The following MYH16 variants were observed in gnomAD, a reference collection of about 807,000 sequenced individuals.
MYH16 encodes putative uncharacterized protein MYH16.
intron 30 of MYH16, among the ~76,000 whole-genome samples, chr7:99,290,287 C>A (rs147256486): frequency 6.6e-6 from 1 of 151,822 alleles, no homozygotes; most frequent in East Asian, 1.9e-4. Context: ...AGTTTGAGAC[C>A]AGCCTGGGCA....
intron 11 of MYH16, among the ~76,000 whole-genome samples, chr7:99,259,766 A>G (rs1024530761): frequency 6.7e-6 from 1 of 148,172 alleles, no homozygotes; most frequent in African/African-American, 2.5e-5. Context: ...TACATATTAT[A>G]TATACATATA....
At chr7:99,260,444 T>G (rs1262530459) in intron 12 of MYH16, 1 of 527,454 alleles carries the variant, frequency 1.9e-6, no homozygotes, top group African/African-American at 1.9e-5. Flanking sequence ...ACACCACCAG[T>G]GACCTTCCTT....
chr7:99,300,179 C>A (rs542190595), intron 37 of MYH16, among the ~76,000 whole-genome samples: 1 of 151,966 alleles, frequency 6.6e-6, no homozygotes, highest in East Asian at 1.9e-4. Flanking sequence ...AGGCTGATCT[C>A]CAATGCCTGA....
intron 11 of MYH16, chr7:99,260,080 T>C (rs1322642914): frequency 7.9e-7 from 1 of 1,265,112 alleles, no homozygotes; most frequent in Non-Finnish European, 1.1e-6. Flanking sequence ...AGTTTTGCTT[T>C]GCTTGTGGTC....
At chr7:99,247,190 T>C (rs1422465374) in intron 2 of MYH16, among the ~76,000 whole-genome samples, 2 of 152,204 alleles carry the variant, frequency 1.3e-5, no homozygotes, top group Non-Finnish European at 2.9e-5. Context: ...TTGTTGTTTT[T>C]GAGACGGAGT....
intron 31 of MYH16, among the ~76,000 whole-genome samples, chr7:99,291,891 C>T (rs920192711): frequency 3.3e-5 from 5 of 151,848 alleles, no homozygotes; most frequent in South Asian, 2.1e-4. Flanking sequence ...TGCAGGGAGC[C>T]GAGATCGCAC....
chr7:99,310,175 G>A (rs370230367), downstream of MYH16, among the ~76,000 whole-genome samples: 7 of 152,322 alleles, frequency 4.6e-5, no homozygotes, highest in African/African-American at 1.7e-4. Flanking sequence ...ACACACAAAA[G>A]TGCAAAGGTG....
chr7:99,265,117 A>T, exon 16 of MYH16: 1 of 152,660 alleles, frequency 6.6e-6, no homozygotes, highest in Non-Finnish European at 1.5e-5. Context: ...CAGCTGAACA[A>T]GCTGATGACC....
chr7:99,292,565 G>A (rs928910575), intron 32 of MYH16, 57 bp downstream of exon 13: 3 of 444,254 alleles, frequency 6.8e-6, no homozygotes, highest in South Asian at 4.8e-5. Flanking sequence ...GGTGCTGGGG[G>A]CCTCACCACC....
chr7:99,268,444 C>T (rs1447359049), intron 18 of MYH16, among the ~76,000 whole-genome samples: 1 of 152,200 alleles, frequency 6.6e-6, no homozygotes, highest in Non-Finnish European at 1.5e-5. Context: ...GTCGTGTGGC[C>T]GGGAAAGCCG....
intron 20 of MYH16, among the ~76,000 whole-genome samples, chr7:99,273,901 A>G (rs1172580816): frequency 1.3e-5 from 2 of 151,764 alleles, no homozygotes; most frequent in African/African-American, 4.8e-5. Context: ...AAAGGGAGAG[A>G]GGAAAGGAAG....
At chr7:99,264,937 A>C (rs1791972509) in intron 15 of MYH16, among the ~76,000 whole-genome samples, 2 of 152,208 alleles carry the variant, frequency 1.3e-5, no homozygotes, top group South Asian at 4.1e-4. Flanking sequence ...GCAATGATGA[A>C]ACGTTCTCTT....
chr7:99,246,090 C>A (rs531951319), intron 2 of MYH16, among the ~76,000 whole-genome samples: 1 of 151,968 alleles, frequency 6.6e-6, no homozygotes, highest in South Asian at 2.1e-4. Context: ...CCCGTAGTCC[C>A]AGCTACGTGG....
chr7:99,278,473 A>G (rs1792149451), intron 21 of MYH16, among the ~76,000 whole-genome samples: 1 of 152,172 alleles, frequency 6.6e-6, no homozygotes, highest in Non-Finnish European at 1.5e-5. Context: ...TCATTTCTGT[A>G]GGGCGCCTGA....
chr7:99,239,209 G>A, intron 1 of MYH16, among the ~76,000 whole-genome samples: 1 of 152,228 alleles, frequency 6.6e-6, no homozygotes, highest in East Asian at 1.9e-4. Flanking sequence ...CCCTGGGCAA[G>A]ACGCATTCCC....
chr7:99,245,025 A>G (rs1791711817), intron 2 of MYH16, among the ~76,000 whole-genome samples: 1 of 152,202 alleles, frequency 6.6e-6, no homozygotes. Flanking sequence ...GGCTGCTCCC[A>G]TGATCCCAGC....
At chr7:99,289,314 C>G (rs1206133682) in exon 30 of MYH16, 1 of 440,446 alleles carries the variant, frequency 2.3e-6, no homozygotes, top group Admixed American at 2.5e-5. Context: ...CGTCAGAAAG[C>G]TGGAAGACAG....
Position 99,292,523 on chromosome 7 carries a change from C to A in MYH16, n.4149+15C>A. On this transcript the variant is annotated intron_variant and non_coding_transcript_variant, in intron 32 of 41. Transcript: ENST00000439784. ...GAGGAGACCAAGTGAGTGTGGTCTT[C>A]CTGTTGAGAGAGCCAGGTGGGCTGG... 1 of 457,578 alleles carries A rather than the reference C, an allele frequency of 2.2e-6. No individual in the cohort carries two copies. Among genetic ancestry groups the A allele is most frequent in the Non-Finnish European group, 4.4e-6 (1 of 226,876 alleles). 28.3% of individuals were successfully genotyped at this position (457,578 alleles called of 1,614,324 possible). A position where few individuals can be genotyped will look rare whatever the true frequency, so the allele number is the denominator to read the frequency against.
At chr7:99,242,251 T>C (rs547110253) in intron 1 of MYH16, among the ~76,000 whole-genome samples, 56 of 152,048 alleles carry the variant, frequency 3.7e-4, no homozygotes, top group African/African-American at 1.3e-3. Flanking sequence ...TACTGATGAA[T>C]GCTCATTGCT....
Sources: allele counts gnomAD v4.1 joint callset (sites outside exome capture counted in the v4.1 genomes callset), GRCh38; gene constraint gnomAD v4.1.1; transcripts MANE v1.5; gene names NCBI Gene and HGNC (gene_info 2026-07-23, HGNC 2026-07-21).